Variants in ADK observed in about 807,000 individuals in gnomAD.
The protein encoded by ADK is N6,N6-dimethyladenosine kinase.
In ADK, 24 loss-of-function variants were observed where a neutral mutation model predicts 44.7. The observed-to-expected ratio is 0.54, with a 90% CI of 0.39 to 0.76. ADK has a LOEUF of 0.76. ADK is among the 30% of genes least tolerant of loss of function. The pLI is 0.00. For missense variants in ADK, 321 were observed against 425.1 expected (o/e 0.76, Z 2.15); for synonymous variants, 128 against 142.6 (o/e 0.90, Z 0.73).
intron 7 of ADK, among the ~76,000 whole-genome samples, chr10:74,587,609 T>A (rs999612168): frequency 6.6e-6 from 1 of 152,186 alleles, no homozygotes; most frequent in Non-Finnish European, 1.5e-5. Context: ...GATGCTACAG[T>A]CGTTTTAGTT....
At chr10:74,505,894 G>T (rs994545142) in intron 6 of ADK, among the ~76,000 whole-genome samples, 1 of 152,110 alleles carries the variant, frequency 6.6e-6, no homozygotes, top group Non-Finnish European at 1.5e-5. Flanking sequence ...CCTGGTGTGG[G>T]TGACCCGGGG....
intron 3 of ADK, among the ~76,000 whole-genome samples, chr10:74,271,370 T>G (rs1478621213): frequency 2.0e-5 from 3 of 152,172 alleles, no homozygotes; most frequent in Non-Finnish European, 2.9e-5. Context: ...CTACTTTACA[T>G]TTATATTCAG....
intron 1 of ADK, among the ~76,000 whole-genome samples, chr10:74,189,437 G>T (rs368335617): frequency 6.6e-6 from 1 of 152,144 alleles, no homozygotes; most frequent in Non-Finnish European, 1.5e-5. Flanking sequence ...AATGTTACCT[G>T]TGTCTCTAAT....
At chr10:74,252,058 T>A (rs1307857489) in intron 3 of ADK, among the ~76,000 whole-genome samples, 1 of 152,038 alleles carries the variant, frequency 6.6e-6, no homozygotes, top group Non-Finnish European at 1.5e-5. Context: ...TTGTGGCCAA[T>A]GAGACATGAG....
chr10:74,707,454 T>C (rs905175625), intron 10 of ADK, among the ~76,000 whole-genome samples: 2 of 152,150 alleles, frequency 1.3e-5, no homozygotes, highest in Non-Finnish European at 2.9e-5. Flanking sequence ...ATGTTGATTT[T>C]GAGACCCTAT....
chr10:74,463,058 GCTAT>G (rs1846225026), intron 6 of ADK, among the ~76,000 whole-genome samples: 1 of 152,066 alleles, frequency 6.6e-6, no homozygotes, highest in African/African-American at 2.4e-5. Context: ...TTGAGAAATT[GCTAT>G]CTAATAAGTG....
intron 3 of ADK, among the ~76,000 whole-genome samples, chr10:74,266,882 A>G (rs1030589400): frequency 4.6e-5 from 7 of 152,246 alleles, no homozygotes; most frequent in African/African-American, 1.7e-4. Flanking sequence ...AATAAGCTTT[A>G]GTGGCCTTTT....
intron 9 of ADK, among the ~76,000 whole-genome samples, chr10:74,613,634 G>A (rs1396994253): frequency 6.6e-6 from 1 of 152,040 alleles, no homozygotes; most frequent in Non-Finnish European, 1.5e-5. Flanking sequence ...TCATCTGCTA[G>A]TTAAGTTTTC....
chr10:74,462,341 A>G (rs1286862037), intron 6 of ADK, among the ~76,000 whole-genome samples: 1 of 152,114 alleles, frequency 6.6e-6, no homozygotes. Flanking sequence ...CTCCCAGGAA[A>G]ACTAAAACCT....
chr10:74,314,604 A>G, intron 3 of ADK, 63 bp from the exon 4 acceptor site: 1 of 1,060,208 alleles, frequency 9.4e-7, no homozygotes, highest in Non-Finnish European at 1.5e-6. Context: ...CTGCTCAGAA[A>G]AGTTTACTTT....
At chr10:74,285,994 C>T (rs1307390158) in intron 3 of ADK, among the ~76,000 whole-genome samples, 1 of 152,080 alleles carries the variant, frequency 6.6e-6, no homozygotes, top group Non-Finnish European at 1.5e-5. Context: ...TCTTAATAGT[C>T]TCTGAATAAA....
chr10:74,376,424 A>G (rs1253227612), intron 4 of ADK, among the ~76,000 whole-genome samples: 1 of 152,036 alleles, frequency 6.6e-6, no homozygotes, highest in African/African-American at 2.4e-5. Context: ...ATACACAGAG[A>G]AAGAATAGTA....
At chr10:74,620,890 T>A (rs1852970703) in intron 9 of ADK, among the ~76,000 whole-genome samples, 1 of 152,070 alleles carries the variant, frequency 6.6e-6, no homozygotes, top group Non-Finnish European at 1.5e-5. Flanking sequence ...AGAGTAGAGT[T>A]TTTTGTTTTT....
At chr10:74,601,096 A>G (rs887274507) in intron 9 of ADK, among the ~76,000 whole-genome samples, 4 of 152,098 alleles carry the variant, frequency 2.6e-5, no homozygotes, top group African/African-American at 9.7e-5. Context: ...AAACTGGAGC[A>G]ATTTAGTATT....
At chr10:74,597,546 A>T (rs1370373570) in intron 8 of ADK, among the ~76,000 whole-genome samples, 1 of 152,090 alleles carries the variant, frequency 6.6e-6, no homozygotes, top group East Asian at 1.9e-4. Flanking sequence ...TTGTTCATGA[A>T]CTTTATACTT....
chr10:74,681,351 C>G (rs1855592165), intron 10 of ADK, among the ~76,000 whole-genome samples: 1 of 152,142 alleles, frequency 6.6e-6, no homozygotes, highest in East Asian at 1.9e-4. Context: ...TTGTCCCTAT[C>G]CACATTTTAT....
At chr10:74,616,710 C>T (rs1274584970) in intron 9 of ADK, among the ~76,000 whole-genome samples, 1 of 152,124 alleles carries the variant, frequency 6.6e-6, no homozygotes, top group East Asian at 1.9e-4. Context: ...TGCATTTCTA[C>T]TTAAATTCTA....
intron 6 of ADK, among the ~76,000 whole-genome samples, chr10:74,440,540 T>C (rs1845365724): frequency 6.6e-6 from 1 of 152,192 alleles, no homozygotes; most frequent in African/African-American, 2.4e-5. Context: ...TAATGAGATA[T>C]CTTATTATTT....
At chr10:74,686,230 G>A (rs530046792) in intron 10 of ADK, among the ~76,000 whole-genome samples, 123 of 152,168 alleles carry the variant, frequency 8.1e-4, no homozygotes, top group Non-Finnish European at 1.4e-3. Context: ...CAAAGTGCTG[G>A]GATTACAGGT....
Sources: gnomAD v4.1 joint callset for allele counts (sites outside exome capture counted in the v4.1 genomes callset) on GRCh38, gnomAD v4.1.1 for gene constraint, MANE v1.5 for transcripts, NCBI Gene and HGNC (gene_info 2026-07-23, HGNC 2026-07-21) for gene names.